Variants in TRIM44 observed in about 807,000 individuals in gnomAD.
The protein encoded by TRIM44 is tripartite motif-containing protein 44.
A neutral mutation model predicts 37.4 loss-of-function variants in TRIM44; 13 were observed. The observed-to-expected ratio is 0.35, with a 90% CI of 0.23 to 0.55. The LOEUF (loss-of-function observed/expected upper bound fraction) is 0.55, where lower values mean the gene tolerates loss of function less well. TRIM44 is among the 20% of genes least tolerant of loss of function. The pLI is 0.89. For synonymous variants in TRIM44, 175 were observed against 157.2 expected (o/e 1.11, Z -0.85); for missense variants, 426 against 437.2 (o/e 0.97, Z 0.23).
At chr11:35,793,213 A>T (rs114299551) in intron 4 of TRIM44, among the ~76,000 whole-genome samples, 6,976 of 152,026 alleles carry the variant, frequency 0.046, 534 homozygotes, top group African/African-American at 0.16. Flanking sequence ...TTTTTTAAAA[A>T]ACAAACAACA....
At position 35,663,391 on chromosome 11, in the gene TRIM44, G is replaced by A; in HGVS notation, c.280G>A (p.Glu94Lys). Residue 94 changes from glutamate to lysine, a missense_variant, in exon 1 of 5, where the codon GAG (glutamate) becomes AAG (lysine). Physicochemically the swap from Glu to Lys is moderately conservative, Grantham distance 56. Transcript: ENST00000299413. ...KVEQEREIES[E>K]AGEESESEEE... ...GGAGCAGGAGAGGGAGATAGAAAGC[G>A]AGGCAGGGGAAGAGAGTGAGTCGGA... 1 of 1,604,374 alleles carries A rather than the reference G, an allele frequency of 6.2e-7. No individual in the cohort carries two copies.
chr11:35,675,049 C>T (rs1851444873), intron 1 of TRIM44, among the ~76,000 whole-genome samples: 1 of 152,140 alleles, frequency 6.6e-6, no homozygotes, highest in East Asian at 1.9e-4. Flanking sequence ...ATACTGTGTA[C>T]TATGTCATGT....
At chr11:35,746,115 G>A (rs1163588983) in intron 4 of TRIM44, among the ~76,000 whole-genome samples, 2 of 152,158 alleles carry the variant, frequency 1.3e-5, no homozygotes, top group African/African-American at 2.4e-5. Flanking sequence ...TGCCACATTG[G>A]TCCCTGAGTT....
chr11:35,686,445 G>A (rs1851583399), intron 2 of TRIM44, among the ~76,000 whole-genome samples: 1 of 151,430 alleles, frequency 6.6e-6, no homozygotes, highest in African/African-American at 2.4e-5. Context: ...CACTTTGCTA[G>A]GACTCTTACA....
chr11:35,792,336 C>T (rs150656682), intron 4 of TRIM44, among the ~76,000 whole-genome samples: 1 of 152,300 alleles, frequency 6.6e-6, no homozygotes, highest in Non-Finnish European at 1.5e-5. Flanking sequence ...GAATGACTCC[C>T]CATTTCACAG....
chr11:35,768,831 A>G (rs1699491301), intron 4 of TRIM44, among the ~76,000 whole-genome samples: 1 of 152,326 alleles, frequency 6.6e-6, no homozygotes, highest in Non-Finnish European at 1.5e-5. Context: ...ATGGTAAAAA[A>G]TATATGAAAT....
intron 2 of TRIM44, among the ~76,000 whole-genome samples, chr11:35,719,246 T>C (rs1382015676): frequency 6.6e-6 from 1 of 152,154 alleles, no homozygotes; most frequent in African/African-American, 2.4e-5. Context: ...CAGCATTTGA[T>C]CTTGTTAATG....
Position 35,806,625 on chromosome 11 carries a change from G to A in TRIM44, c.*240G>A, listed in dbSNP as rs1204745453. 1 of 503,542 alleles carries A rather than the reference G, an allele frequency of 2.0e-6. No individual in the cohort carries two copies. The highest frequency in any genetic ancestry group is 3.5e-6 in the Non-Finnish European group (1 of 282,940). 31.2% of individuals were successfully genotyped at this position (503,542 alleles called of 1,614,324 possible). A position where few individuals can be genotyped will look rare whatever the true frequency, so the allele number is the denominator to read the frequency against. Reference sequence around the variant, plus strand: ...GAAAAGAGCCCCTTTGATCCACCAGGAGCAATTAAGAAAGGTCCTTCAGGT... The same window carrying A: ...GAAAAGAGCCCCTTTGATCCACCAGAAGCAATTAAGAAAGGTCCTTCAGGT... On this transcript the variant is annotated 3_prime_UTR_variant, in exon 5 of 5. Transcript: ENST00000299413.
At position 35,811,521 on chromosome 11, in the gene TRIM44, A is replaced by G. The variant is rs776970846; in HGVS notation, c.*5136A>G. On this transcript the variant is annotated 3_prime_UTR_variant, in exon 5 of 5. Coordinates refer to ENST00000299413, the MANE Select transcript of TRIM44 (RefSeq NM_017583.6). ...ACTTTAGAAATACATATTTGCATGTAATTGATGAAAACATAGAATGAGTTG... is the reference window on the plus strand; with the variant it reads ...ACTTTAGAAATACATATTTGCATGTGATTGATGAAAACATAGAATGAGTTG... The G allele has an allele frequency of 6.6e-6, 1 of 152,182 alleles. No homozygotes were observed. Among genetic ancestry groups the G allele is most frequent in the Non-Finnish European group, 1.5e-5 (1 of 68,024 alleles). The allele number at this position is 152,182 out of a possible 1,614,324, so 9.4% of individuals were successfully genotyped here.
chr11:35,749,250 A>G lies in TRIM44; in HGVS notation c.1007+13805A>G, dbSNP rs1852531946. Among the ~76,000 whole-genome samples, 3 of 152,248 alleles carry G rather than the reference A, an allele frequency of 2.0e-5. No individual in the cohort carries two copies. The South Asian group carries it at 6.2e-4, about 32-fold the overall frequency. On this transcript the variant is annotated intron_variant, in intron 4 of 4. Transcript: ENST00000299413. ...TGCTATAGAATCTTAAGAAAAGGTA[A>G]AGGAAGGTAAGTGATGTGTAATTTA...
Position 35,665,144 on chromosome 11 carries a change from T to C in TRIM44, c.669+1364T>C, listed in dbSNP as rs555131893. 3.3e-5 allele frequency among the ~76,000 whole-genome samples: 5 copies of C among 152,300 alleles called. No homozygotes were observed. In the East Asian group the frequency reaches 7.7e-4, roughly 23 times the overall value. On this transcript the variant is annotated intron_variant, in intron 1 of 4. Transcript: ENST00000299413. ...CTGTCATAGATGGTCATTTGATTTG[T>C]TCCCAGGTTTGGGAGCGTCGGGCTG... is the stretch of plus-strand genomic sequence containing the variant.
chr11:35,718,799 G>A (rs934195994), intron 2 of TRIM44, among the ~76,000 whole-genome samples: 1 of 151,728 alleles, frequency 6.6e-6, no homozygotes, highest in African/African-American at 2.4e-5. Flanking sequence ...ATGACATGTA[G>A]TTGATTCCAA....
At chr11:35,754,637 T>C (rs1263245453) in intron 4 of TRIM44, among the ~76,000 whole-genome samples, 1 of 151,638 alleles carries the variant, frequency 6.6e-6, no homozygotes, top group Non-Finnish European at 1.5e-5. Flanking sequence ...GTATATCTCC[T>C]AATGCTATCC....
chr11:35,785,167 G>A (rs895495529), intron 4 of TRIM44, among the ~76,000 whole-genome samples: 8 of 152,328 alleles, frequency 5.3e-5, no homozygotes, highest in African/African-American at 1.9e-4. Context: ...ATTTAGCTCT[G>A]AATTGAATCT....
chr11:35,697,097 G>A (rs1851712247), intron 2 of TRIM44, among the ~76,000 whole-genome samples: 1 of 151,564 alleles, frequency 6.6e-6, no homozygotes, highest in Non-Finnish European at 1.5e-5. Context: ...AAATTTTAGG[G>A]TACATGTGCA....
At chr11:35,685,417 G>T in intron 2 of TRIM44, 81 bp downstream of exon 2, 2 of 1,167,138 alleles carry the variant, frequency 1.7e-6, no homozygotes, top group South Asian at 2.6e-5. Context: ...AGGTGTTGAT[G>T]ATCATCTCTC....
In TRIM44 at chr11:35,777,141, G is replaced by C. The variant is rs1301532483; in HGVS notation, c.1008-29217G>C. ...TTGCTTTATGAATCTGGGTGCTCCT[G>C]TATTGGGTGCATATATATTTGGGAT... On this transcript the variant is annotated intron_variant, in intron 4 of 4. Transcript: ENST00000299413. Among the ~76,000 whole-genome samples the C allele has an allele frequency of 2.0e-5, 3 of 152,274 alleles. No homozygotes were observed. In the East Asian group the frequency reaches 5.8e-4, roughly 29 times the overall value.
intron 2 of TRIM44, among the ~76,000 whole-genome samples, chr11:35,685,760 T>G (rs1460985944): frequency 6.6e-6 from 1 of 151,938 alleles, no homozygotes; most frequent in Non-Finnish European, 1.5e-5. Context: ...GCCTGCCGGG[T>G]CCAAGCCATT....
chr11:35,789,541 A>G (rs886099089), intron 4 of TRIM44, among the ~76,000 whole-genome samples: 1 of 152,230 alleles, frequency 6.6e-6, no homozygotes, highest in African/African-American at 2.4e-5. Context: ...AGTTTTGCCC[A>G]GAGGGTACTC....
Sources: allele counts gnomAD v4.1 joint callset (sites outside exome capture counted in the v4.1 genomes callset), GRCh38; gene constraint gnomAD v4.1.1; transcripts MANE v1.5; gene names NCBI Gene and HGNC (gene_info 2026-07-23, HGNC 2026-07-21).